Variants in SLC17A2 observed in about 807,000 individuals in gnomAD.
SLC17A2 encodes the protein solute carrier family 17 member 2.
Under a neutral mutation model 52.1 loss-of-function variants are expected in SLC17A2, and 38 were observed. The ratio of observed to expected loss-of-function variants is 0.73; its 90% CI spans 0.56 to 0.96. The LOEUF (loss-of-function observed/expected upper bound fraction) is 0.96, where lower values mean the gene tolerates loss of function less well. Ranked by LOEUF, SLC17A2 falls within the 40% of genes least tolerant of loss-of-function variation. SLC17A2 has a pLI of 0.00. For synonymous variants in SLC17A2, 226 were observed against 211.9 expected (o/e 1.07, Z -0.58); for missense variants, 508 against 583.9 (o/e 0.87, Z 1.34).
In SLC17A2 at chr6:25,914,653, A is replaced by G. The variant is rs1766233784; in HGVS notation, c.1229T>C (p.Met410Thr). The change falls in exon 11 of 12, where the codon ATG (methionine) becomes ACG (threonine). Residue 410 changes from methionine to threonine, a missense_variant. Coordinates refer to ENST00000377850, the MANE Select transcript of SLC17A2 (RefSeq NM_001286123.3). ...GAGCCCAAATCCCCTTGAGATTCCC[A>G]TGAGGAAACTTGCATATCTGTGGGA... ...DIAPRYASFL[M>T]GISRGFGLIA... The G allele has an allele frequency of 6.2e-7, 1 of 1,609,296 alleles. No homozygotes were observed. Among genetic ancestry groups the G allele is most frequent in the African/African-American group, 1.3e-5 (1 of 74,954 alleles).
In SLC17A2 at chr6:25,915,497, A is replaced by G; in HGVS notation, c.1211+2T>C. Reference sequence around the variant, plus strand: ...AGGGGAAAAAACAGGTAGAGCTCTTACCTGGGGGCGATATCTAAGGTGTTG... The same window carrying G: ...AGGGGAAAAAACAGGTAGAGCTCTTGCCTGGGGGCGATATCTAAGGTGTTG... On this transcript the variant is annotated splice_donor_variant, in intron 10 of 11. Transcript: ENST00000377850. LOFTEE classifies it high-confidence loss of function. The G allele has an allele frequency of 6.5e-7, 1 of 1,549,564 alleles. No homozygotes were observed. Among genetic ancestry groups the G allele is most frequent in the Non-Finnish European group, 8.7e-7 (1 of 1,146,688 alleles).
intron 3 of SLC17A2, among the ~76,000 whole-genome samples, chr6:25,921,694 A>T (rs1482696224): frequency 6.6e-6 from 1 of 152,216 alleles, no homozygotes; most frequent in Admixed American, 6.5e-5. Context: ...GAGATATTTC[A>T]TCTGTGAAAG....
At position 25,923,826 on chromosome 6, in the gene SLC17A2, TCA is replaced by T; in HGVS notation, c.107_108del (p.Val36GlufsTer20). On this transcript the variant is annotated frameshift_variant, in exon 3 of 12. Transcript: ENST00000377850. LOFTEE classifies it high-confidence loss of function. ...ATGGCGATGATCGCAATGCTCAGACTCACACGCTGCGTTATCATGGTGAAGTT... is the reference window on the plus strand; with the variant it reads ...ATGGCGATGATCGCAATGCTCAGACTCACGCTGCGTTATCATGGTGAAGTT... Reference protein sequence around the residue: ...FSNFTMITQRVSLSIAIIAMV... With the variant: ...FSNFTMITQRXSLSIAIIAMV... The T allele has an allele frequency of 2.5e-6, 4 of 1,614,200 alleles. No individual in the cohort carries two copies. Among genetic ancestry groups the T allele is most frequent in the Non-Finnish European group, 3.4e-6 (4 of 1,180,034 alleles).
Position 25,913,455 on chromosome 6 carries a change from G to A in SLC17A2, c.1303-4C>T, listed in dbSNP as rs769480181. 1 of 1,613,554 alleles carries A rather than the reference G, an allele frequency of 6.2e-7. No homozygotes were observed. Among genetic ancestry groups the A allele is most frequent in the Non-Finnish European group, 8.5e-7 (1 of 1,179,644 alleles). The stretch of plus-strand genomic sequence containing the variant: ...TCCTCCAACCAGACTCAAAATCCTA[G>A]ATGTAAAAAACAGAGAAAATGATCA... On this transcript the variant is annotated splice_region_variant and splice_polypyrimidine_tract_variant and intron_variant, in intron 11 of 11. Coordinates refer to ENST00000377850, the MANE Select transcript of SLC17A2 (RefSeq NM_001286123.3).
At chr6:25,929,398 G>A (rs766175902) in intron 1 of SLC17A2, among the ~76,000 whole-genome samples, 1 of 152,222 alleles carries the variant, frequency 6.6e-6, no homozygotes, top group Non-Finnish European at 1.5e-5. Context: ...ACTAGCAACA[G>A]CAATAATAAT....
At chr6:25,913,975 T>G (rs1373621122) in intron 11 of SLC17A2, among the ~76,000 whole-genome samples, 1 of 152,194 alleles carries the variant, frequency 6.6e-6, no homozygotes, top group African/African-American at 2.4e-5. Flanking sequence ...AATATTAACC[T>G]GGGAACTTGA....
At position 25,921,015 on chromosome 6, in the gene SLC17A2, C is replaced by T. The variant is rs745882337; in HGVS notation, c.553G>A (p.Ala185Thr). The change falls in exon 5 of 12, where the codon GCA (alanine) becomes ACA (threonine). Residue 185 changes from alanine (A) to threonine (T), a missense_variant. Coordinates refer to ENST00000377850, the MANE Select transcript of SLC17A2 (RefSeq NM_001286123.3). ...ATCTGTGCACACTTACCTGATCCTG[C>T]AATGGTGGTGAGCTTGCTTCGTTCA... Reference protein sequence around the residue: ...PLERSKLTTIAGSGSAFGSFI... With the variant: ...PLERSKLTTITGSGSAFGSFI... 1 of 1,614,166 alleles carries T rather than the reference C, an allele frequency of 6.2e-7. No homozygotes were observed. Among genetic ancestry groups the T allele is most frequent in the South Asian group, 1.1e-5 (1 of 91,088 alleles).
intron 3 of SLC17A2, 115 bp from the exon 4 acceptor site, chr6:25,921,527 C>G: frequency 1.4e-6 from 1 of 693,660 alleles, no homozygotes; most frequent in Non-Finnish European, 2.4e-6. Flanking sequence ...ATTTTTGTTT[C>G]TCTCTATATT....
intron 1 of SLC17A2, among the ~76,000 whole-genome samples, chr6:25,927,724 T>C (rs1766815197): frequency 6.6e-6 from 1 of 152,142 alleles, no homozygotes; most frequent in African/African-American, 2.4e-5. Context: ...GATTTTATTG[T>C]TGTTGTTGTT....
At chr6:25,923,041 G>A (rs1766615537) in intron 3 of SLC17A2, among the ~76,000 whole-genome samples, 1 of 152,062 alleles carries the variant, frequency 6.6e-6, no homozygotes, top group African/African-American at 2.4e-5. Flanking sequence ...ACAAAAATTA[G>A]CCAGCCGCGG....
Position 25,926,009 on chromosome 6 carries a change from G to A in SLC17A2, c.-83-130C>T, listed in dbSNP as rs1350938909. 6.6e-6 allele frequency: 4 copies of A among 607,832 alleles called. 1 individual carries two copies. Among genetic ancestry groups the A allele is most frequent in the South Asian group, 4.0e-5 (2 of 49,514 alleles). 37.7% of individuals were successfully genotyped at this position (607,832 alleles called of 1,614,324 possible). Reference sequence around the variant, plus strand: ...AACTTACATTTTATGGGGCACTACTGGTATGCTTTTGGTTACAGGATTGTT... The same window carrying A: ...AACTTACATTTTATGGGGCACTACTAGTATGCTTTTGGTTACAGGATTGTT... On this transcript the variant is annotated intron_variant, in intron 1 of 11. Coordinates refer to ENST00000377850, the MANE Select transcript of SLC17A2 (RefSeq NM_001286123.3).
At chr6:25,916,047 C>T (rs1263230593) in intron 8 of SLC17A2, among the ~76,000 whole-genome samples, 179 bp from the exon 9 acceptor site, 1 of 152,162 alleles carries the variant, frequency 6.6e-6, no homozygotes, top group African/African-American at 2.4e-5. Flanking sequence ...GAAGCTGCAT[C>T]ACTCTGGGCT....
chr6:25,929,097 C>G (rs1766864413), intron 1 of SLC17A2, among the ~76,000 whole-genome samples: 1 of 152,058 alleles, frequency 6.6e-6, no homozygotes, highest in Non-Finnish European at 1.5e-5. Context: ...TAATATCCAG[C>G]CTGTCTTGCT....
chr6:25,929,272 GT>G (rs1434818609), intron 1 of SLC17A2, among the ~76,000 whole-genome samples: 1 of 152,170 alleles, frequency 6.6e-6, no homozygotes, highest in African/African-American at 2.4e-5. Flanking sequence ...GGCTTTCACT[GT>G]TTCATAGGAA....
rs1042627042 is a variant in SLC17A2, at chr6:25,916,752, A to T, written c.863T>A (p.Leu288Ter). Residue 288 changes from leucine (L) to a stop codon, truncating the protein, a stop_gained, in exon 8 of 12, where the codon TTG becomes TAG. Coordinates refer to ENST00000377850, the MANE Select transcript of SLC17A2 (RefSeq NM_001286123.3). LOFTEE classifies it high-confidence loss of function. ...TAGGTATGTTAGGATGATGGTGCAC[A>T]ACCAGAAATGGCTGAAAAAACCCAG... is the stretch of plus-strand genomic sequence containing the variant. Reference protein sequence around the residue: ...IFLGFFSHFWLCTIILTYLPT... With the variant: ...IFLGFFSHFW 4.3e-6 allele frequency: 7 copies of T among 1,613,882 alleles called. No homozygotes were observed. In the African/African-American group the frequency reaches 6.7e-5, roughly 15 times the overall value.
chr6:25,913,316 C>T lies in SLC17A2; in HGVS notation c.*1G>A. 5 of 1,614,138 alleles carry T rather than the reference C, an allele frequency of 3.1e-6. No homozygotes were observed. Among genetic ancestry groups the T allele is most frequent in the Non-Finnish European group, 4.2e-6 (5 of 1,180,000 alleles). Reference sequence around the variant, plus strand: ...ACATTTAAGTTTGTAACTTTATGTCCTCAGAGGCGGGTAAGGGTCCTCTCT... The same window carrying T: ...ACATTTAAGTTTGTAACTTTATGTCTTCAGAGGCGGGTAAGGGTCCTCTCT... On this transcript the variant is annotated 3_prime_UTR_variant, in exon 12 of 12. Coordinates refer to ENST00000377850, the MANE Select transcript of SLC17A2 (RefSeq NM_001286123.3).
chr6:25,930,137 A>G (rs1256075280), intron 1 of SLC17A2, 140 bp downstream of exon 1: 5 of 152,216 alleles, frequency 3.3e-5, no homozygotes, highest in African/African-American at 1.2e-4. Flanking sequence ...TTTTCCTGAG[A>G]GACCATTTCA....
At chr6:25,920,520 T>C (rs988603224) in intron 5 of SLC17A2, among the ~76,000 whole-genome samples, 30 of 152,158 alleles carry the variant, frequency 2.0e-4, no homozygotes, top group African/African-American at 6.5e-4. Context: ...GGTACTTATA[T>C]GAGAGGGTTG....
intron 3 of SLC17A2, among the ~76,000 whole-genome samples, chr6:25,923,476 A>C (rs768345267): frequency 3.3e-5 from 5 of 152,198 alleles, no homozygotes; most frequent in Admixed American, 6.5e-5. Context: ...TAAATTTTTC[A>C]CATTTAACTC....
Sources: allele counts gnomAD v4.1 joint callset (sites outside exome capture counted in the v4.1 genomes callset), GRCh38; gene constraint gnomAD v4.1.1; transcripts MANE v1.5; gene names NCBI Gene and HGNC (gene_info 2026-07-23, HGNC 2026-07-21).